C8orf34: variants seen among roughly 807,000 people sequenced by gnomAD.
The protein encoded by C8orf34 is uncharacterized protein C8orf34.
In C8orf34, 65 loss-of-function variants were observed where a neutral mutation model predicts 68.3. That is an observed-to-expected ratio of 0.95 (90% CI 0.78 to 1.17). The LOEUF is 1.17. Ranked by LOEUF, C8orf34 falls within the 50% of genes most tolerant of loss-of-function variation. C8orf34 has a pLI of 0.00. For synonymous variants in C8orf34, 244 were observed against 241.2 expected (o/e 1.01, Z -0.11); for missense variants, 664 against 655.4 (o/e 1.01, Z -0.14).
chr8:68,629,648 C>G (rs2130687341), intron 7 of C8orf34, among the ~76,000 whole-genome samples: 1 of 152,188 alleles, frequency 6.6e-6, no homozygotes, highest in Non-Finnish European at 1.5e-5. Context: ...CTACTCTGTG[C>G]TAGACATACT....
intron 10 of C8orf34, among the ~76,000 whole-genome samples, chr8:68,752,959 T>TA (rs1249118798): frequency 6.6e-6 from 1 of 152,188 alleles, no homozygotes; most frequent in African/African-American, 2.4e-5. Flanking sequence ...ACCATCCATA[T>TA]ATTTGTAGGT....
At chr8:68,476,434 A>G (rs1267645102) in intron 4 of C8orf34, among the ~76,000 whole-genome samples, 2 of 152,192 alleles carry the variant, frequency 1.3e-5, no homozygotes, top group Admixed American at 6.5e-5. Flanking sequence ...CCTGGAAGAG[A>G]GAAGCATGTG....
intron 10 of C8orf34, among the ~76,000 whole-genome samples, chr8:68,769,370 C>T (rs963014434): frequency 1.3e-5 from 2 of 150,872 alleles, no homozygotes; most frequent in African/African-American, 2.4e-5. Flanking sequence ...GTTTGTTTCT[C>T]CTTATGGTTT....
chr8:68,662,670 C>A (rs1003020176), intron 8 of C8orf34, among the ~76,000 whole-genome samples: 1 of 152,180 alleles, frequency 6.6e-6, no homozygotes, highest in Non-Finnish European at 1.5e-5. Context: ...TATAAATTAC[C>A]CAATCTCAGG....
At chr8:68,632,960 C>T (rs991125907) in intron 7 of C8orf34, among the ~76,000 whole-genome samples, 2 of 152,184 alleles carry the variant, frequency 1.3e-5, no homozygotes, top group Non-Finnish European at 2.9e-5. Flanking sequence ...TCTGCTACAG[C>T]AGTGCAGGTA....
intron 12 of C8orf34, among the ~76,000 whole-genome samples, chr8:68,795,971 A>G (rs1359361559): frequency 1.3e-5 from 2 of 152,178 alleles, no homozygotes; most frequent in Admixed American, 1.3e-4. Flanking sequence ...CAGCCCTTTA[A>G]GGCAGCTTCC....
At chr8:68,551,329 C>G (rs1816063509) in intron 7 of C8orf34, among the ~76,000 whole-genome samples, 1 of 151,898 alleles carries the variant, frequency 6.6e-6, no homozygotes, top group African/African-American at 2.4e-5. Flanking sequence ...ATTTTTCTTA[C>G]CATGTTTTTT....
rs181696207 is a variant in C8orf34 at position 68,696,579 on chromosome 8, T to C, written c.1242-12415T>C. Among the ~76,000 whole-genome samples the C allele has an allele frequency of 9.5e-4, 145 of 151,948 alleles. 2 individuals are homozygous for C. Among genetic ancestry groups the C allele is most frequent in the East Asian group, 1.4e-3 (7 of 5,124 alleles). The stretch of plus-strand genomic sequence containing the variant: ...AATCTAATGAATCAATATCTATATA[T>C]AGTTTATATCTATAGTGATAGCCAA... On this transcript the variant is annotated intron_variant, in intron 8 of 13. Transcript: ENST00000518698.
chr8:68,610,861 G>GTTTTTTTTTTTTTTTTTT (rs60113883), intron 7 of C8orf34, among the ~76,000 whole-genome samples: 2 of 120,476 alleles, frequency 1.7e-5, no homozygotes, highest in African/African-American at 6.9e-5. Flanking sequence ...TGAATCTTTG[G>GTTTTTTTTTTTTTTTTTT]TTTTTTTTTT....
chr8:68,700,504 A>G (rs145818720), intron 8 of C8orf34, among the ~76,000 whole-genome samples: 2 of 152,228 alleles, frequency 1.3e-5, no homozygotes, highest in East Asian at 1.9e-4. Context: ...TTTCTGGGGT[A>G]AAAGGGAACC....
At chr8:68,803,828 T>C (rs962083654) in intron 12 of C8orf34, among the ~76,000 whole-genome samples, 2 of 152,164 alleles carry the variant, frequency 1.3e-5, no homozygotes, top group Admixed American at 6.6e-5. Context: ...TTTTTTTAAC[T>C]GAATTATACT....
chr8:68,488,833 A>C (rs1813188461), intron 5 of C8orf34, among the ~76,000 whole-genome samples: 1 of 152,158 alleles, frequency 6.6e-6, no homozygotes, highest in Non-Finnish European at 1.5e-5. Flanking sequence ...TCATTTTTCT[A>C]GTCTCAAAAG....
At chr8:68,760,198 G>A (rs571417592) in intron 10 of C8orf34, among the ~76,000 whole-genome samples, 19 of 152,324 alleles carry the variant, frequency 1.2e-4, no homozygotes, top group Admixed American at 1.1e-3. Context: ...AGCACAGCTG[G>A]AGAATTAGGT....
At chr8:68,694,073 G>T (rs1820759896) in intron 8 of C8orf34, among the ~76,000 whole-genome samples, 1 of 151,872 alleles carries the variant, frequency 6.6e-6, no homozygotes, top group Non-Finnish European at 1.5e-5. Context: ...CTTTTATAAG[G>T]CCCTTTCTCT....
intron 1 of C8orf34, 104 bp from the exon 2 acceptor site, chr8:68,439,395 A>T (rs542167755): frequency 2.3e-4 from 227 of 1,008,886 alleles, no homozygotes; most frequent in Non-Finnish European, 2.9e-4. Context: ...GCTGTATATA[A>T]AGCAGTTAGA....
chr8:68,502,561 G>A (rs1217016192), intron 5 of C8orf34, among the ~76,000 whole-genome samples: 4 of 152,100 alleles, frequency 2.6e-5, no homozygotes, highest in African/African-American at 9.7e-5. Flanking sequence ...CATTTTTGGG[G>A]GAGGTTAGGG....
chr8:68,440,171 A>G (rs1182350546), intron 2 of C8orf34, among the ~76,000 whole-genome samples: 1 of 152,218 alleles, frequency 6.6e-6, no homozygotes, highest in Non-Finnish European at 1.5e-5. Context: ...AGTAAACACT[A>G]GTGAAAGAAT....
At chr8:68,621,473 A>G (rs1055304564) in intron 7 of C8orf34, among the ~76,000 whole-genome samples, 1 of 152,228 alleles carries the variant, frequency 6.6e-6, no homozygotes, top group Non-Finnish European at 1.5e-5. Flanking sequence ...GCCTTTATAA[A>G]TAATTTAGAC....
At chr8:68,409,711 C>A (rs959632536) in intron 1 of C8orf34, among the ~76,000 whole-genome samples, 2 of 152,134 alleles carry the variant, frequency 1.3e-5, no homozygotes, top group African/African-American at 4.8e-5. Context: ...TACAGCAGTG[C>A]ACAGTCATGT....
Sources: gnomAD v4.1 joint callset for allele counts (sites outside exome capture counted in the v4.1 genomes callset) on GRCh38, gnomAD v4.1.1 for gene constraint, MANE v1.5 for transcripts, NCBI Gene and HGNC (gene_info 2026-07-23, HGNC 2026-07-21) for gene names.